The following WDR81 variants were observed in gnomAD, a reference collection of about 807,000 sequenced individuals.
The protein encoded by WDR81 is WD repeat-containing protein 81.
WDR81 carries 92 observed loss-of-function variants against 140.8 expected under a neutral mutation model. That is an observed-to-expected ratio of 0.65 (90% CI 0.55 to 0.78). The LOEUF (loss-of-function observed/expected upper bound fraction) is 0.78. Ranked by LOEUF, WDR81 falls within the 30% of genes least tolerant of loss-of-function variation. WDR81 has a pLI of 0.00. For missense variants in WDR81, 2,502 were observed against 2,636.4 expected, an observed-to-expected ratio of 0.95 and a Z score of 1.12; for synonymous variants, 1,183 against 1,156.4, an observed-to-expected ratio of 1.02 and a Z score of -0.47.
In WDR81 at chr17:1,726,675, C is replaced by T. The variant is rs80035274; in HGVS notation, c.1716C>T (p.His572=). Residue 572 remains histidine (H), a synonymous_variant, in exon 1 of 10, where the codon CAC becomes CAT. Coordinates refer to ENST00000409644, the MANE Select transcript of WDR81 (RefSeq NM_001163809.2). ...KNVCLHLVDA[H]THLASYGVVQ... is the part of the protein sequence containing the mutation. ...TGTGTCTGCACCTGGTGGACGCCCA[C>T]ACTCACCTGGCCAGCTACGGGGTGG... 0.19 allele frequency: 294,055 copies of T among 1,549,882 alleles called. 29,081 individuals carry two copies. The highest frequency in any genetic ancestry group is 0.21 in the Non-Finnish European group (238,212 of 1,146,922).
chr17:1,732,918 A>G, intron 6 of WDR81, 87 bp downstream of exon 6: 1 of 1,499,590 alleles, frequency 6.7e-7, no homozygotes, highest in Middle Eastern at 1.8e-4. Flanking sequence ...CCCCAGAGTC[A>G]GCAGTGGGTT....
chr17:1,725,585 CTCGGGGCAG>C lies in WDR81; in HGVS notation c.627_635del (p.Arg210_Ser212del). 2 of 1,545,226 alleles carry C rather than the reference CTCGGGGCAG, an allele frequency of 1.3e-6. No individual in the cohort carries two copies. The highest frequency in any genetic ancestry group is 1.7e-6 in the Non-Finnish European group (2 of 1,146,948). ...TATGCCAGAGAAGGCCCCTGCCCCC[CTCGGGGCAG>C]CCCTGCTTGCCCTAGTCTTTTACGG... On this transcript the variant is annotated inframe_deletion, in exon 1 of 10. Coordinates refer to ENST00000409644, the MANE Select transcript of WDR81 (RefSeq NM_001163809.2).
chr17:1,726,073 C>G lies in WDR81; in HGVS notation c.1114C>G (p.Arg372Gly). 2 of 1,547,712 alleles carry G rather than the reference C, an allele frequency of 1.3e-6. No homozygotes were observed. The highest frequency in any genetic ancestry group is 1.7e-6 in the Non-Finnish European group (2 of 1,145,044). The change falls in exon 1 of 10, where the codon CGG (arginine) becomes GGG (glycine). Residue 372 changes from arginine (R) to glycine (G), a missense_variant. By Grantham distance (125) the Arg-to-Gly change is moderately radical. Coordinates refer to ENST00000409644, the MANE Select transcript of WDR81 (RefSeq NM_001163809.2). Reference sequence around the variant, plus strand: ...CATGCAGCTGAATCGGTTGGCAGGTCGGCGGCAGGGGGACCCCAACTACCA... The same window carrying G: ...CATGCAGCTGAATCGGTTGGCAGGTGGGCGGCAGGGGGACCCCAACTACCA... ...YLMQLNRLAG[R>G]RQGDPNYHPV...
Position 1,730,372 on chromosome 17 carries a change from C to G in WDR81, c.3668-8C>G. The G allele has an allele frequency of 6.2e-7, 1 of 1,608,302 alleles. No individual in the cohort carries two copies. Among genetic ancestry groups the G allele is most frequent in the Non-Finnish European group, 8.5e-7 (1 of 1,177,466 alleles). On this transcript the variant is annotated splice_region_variant and splice_polypyrimidine_tract_variant and intron_variant, in intron 1 of 9. Transcript: ENST00000409644. ...CTGAGGAGCTCAGGGCCTGCTCCCA[C>G]CCCGCAGATACAGCCTGCAAGATGG...
In WDR81 at chr17:1,728,327, G is replaced by C. The variant is rs540866497; in HGVS notation, c.3368G>C (p.Arg1123Pro). The C allele has an allele frequency of 2.5e-6, 4 of 1,612,888 alleles. No homozygotes were observed. The highest frequency in any genetic ancestry group is 2.2e-5 in the South Asian group (2 of 91,088). ...STSETSLGEE[R>P]APDEGGAPVD... ...AGCGAGACCTCCCTGGGTGAGGAGC[G>C]GGCTCCAGACGAGGGGGGTGCCCCC... The change falls in exon 1 of 10, where the codon CGG becomes CCG. Residue 1123 changes from arginine to proline, a missense_variant. This residue lies in a region of WDR81 where 1,737 missense variants were observed against 1,843.0 expected (regional missense o/e 0.94). Transcript: ENST00000409644.
chr17:1,732,337 G>A lies in WDR81; in HGVS notation c.4170G>A (p.Gly1390=). 6.2e-7 allele frequency: 1 copy of A among 1,613,180 alleles called. No homozygotes were observed. ...LTSLVTGFPS[G]AQARTILCVK... ...GCTCTGTTTCCAGGTTCCCAAGTGG[G>A]GCCCAGGCTCGGACCATCCTGTGTG... is the stretch of plus-strand genomic sequence containing the variant. The change falls in exon 5 of 10, where the codon GGG becomes GGA. Residue 1390 remains glycine (G), a synonymous_variant. Transcript: ENST00000409644.
At chr17:1,730,052 C>T (rs1248924159) in intron 1 of WDR81, among the ~76,000 whole-genome samples, 2 of 151,290 alleles carry the variant, frequency 1.3e-5, no homozygotes, top group South Asian at 2.1e-4. Context: ...ATGGCGAGAC[C>T]GAGGGAGTGG....
Position 1,726,962 on chromosome 17 carries a change from C to T in WDR81, c.2003C>T (p.Ser668Phe), listed in dbSNP as rs377758231. Residue 668 changes from serine to phenylalanine, a missense_variant, in exon 1 of 10, where the codon TCC (serine) becomes TTC (phenylalanine). This residue lies in a region of WDR81 where 1,737 missense variants were observed against 1,843.0 expected (regional missense o/e 0.94). Transcript: ENST00000409644. The stretch of plus-strand genomic sequence containing the variant: ...GAACAGGCCACAGAAGCTCTGGATT[C>T]CATTTCCCTTGCTGGGAAAGCAGGT... Reference protein sequence around the residue: ...DLEQATEALDSISLAGKAGDQ... With the variant: ...DLEQATEALDFISLAGKAGDQ... The T allele has an allele frequency of 6.4e-7, 1 of 1,550,474 alleles. No individual in the cohort carries two copies. The highest frequency in any genetic ancestry group is 8.7e-7 in the Non-Finnish European group (1 of 1,146,986).
At chr17:1,720,541 C>T (rs531738562), upstream of WDR81, among the ~76,000 whole-genome samples, 199 of 152,192 alleles carry the variant, frequency 1.3e-3, no homozygotes, top group Non-Finnish European at 2.4e-3. Context: ...CTTTGGGAGG[C>T]GGAGGCGGGC....
Position 1,725,111 on chromosome 17 carries a change from G to T in WDR81, c.152G>T (p.Gly51Val). 6.6e-7 allele frequency: 1 copy of T among 1,513,762 alleles called. No individual in the cohort carries two copies. Among genetic ancestry groups the T allele is most frequent in the Non-Finnish European group, 8.8e-7 (1 of 1,132,290 alleles). 93.8% of individuals were successfully genotyped at this position (1,513,762 alleles called of 1,614,324 possible). Residue 51 changes from glycine (G) to valine (V), a missense_variant, in exon 1 of 10, where the codon GGC (glycine) becomes GTC (valine). Gly to Val is a moderately radical substitution (Grantham distance 109). This residue lies in a region of WDR81 where 547 missense variants were observed against 513.8 expected (regional missense o/e 1.06). Transcript: ENST00000409644. ...AGGCAGCTGGCTCCGGCCCCGGGGG[G>T]CACCCACGTGGTGGCCCTAGTGCCT... ...DPRQLAPAPGGTHVVALVPAR... is the reference protein window; with the variant it reads ...DPRQLAPAPGVTHVVALVPAR...
chr17:1,724,272 G>A (rs1915057496), upstream of WDR81, among the ~76,000 whole-genome samples: 2 of 152,240 alleles, frequency 1.3e-5, no homozygotes, highest in South Asian at 2.1e-4. Context: ...GCCGAGGCAA[G>A]AGAATCGCTT....
chr17:1,736,259 GC>G, intron 9 of WDR81, 41 bp downstream of exon 9: 1 of 1,571,696 alleles, frequency 6.4e-7, no homozygotes, highest in Non-Finnish European at 8.6e-7. Context: ...CCCAACCCCC[GC>G]CCCTGTCCAG....
In WDR81 at chr17:1,725,914, G is replaced by T. The variant is rs1567718379; in HGVS notation, c.955G>T (p.Val319Leu). 2 of 1,550,718 alleles carry T rather than the reference G, an allele frequency of 1.3e-6. No homozygotes were observed. Among genetic ancestry groups the T allele is most frequent in the Non-Finnish European group, 1.7e-6 (2 of 1,146,974 alleles). ...GGAGGACGAGAATGAGGAGGCCCCT[G>T]TGGCAAGGGATGAGGCGGGCATTGT... Reference protein sequence around the residue: ...PEEDENEEAPVARDEAGIVSQ... With the variant: ...PEEDENEEAPLARDEAGIVSQ... The change falls in exon 1 of 10, where the codon GTG (valine) becomes TTG (leucine). Residue 319 changes from valine (V) to leucine (L), a missense_variant. Val to Leu is a conservative substitution (Grantham distance 32, BLOSUM62 1). Transcript: ENST00000409644.
At position 1,732,718 on chromosome 17, in the gene WDR81, TC is replaced by T; in HGVS notation, c.4377del (p.Phe1460SerfsTer143). The T allele has an allele frequency of 6.2e-7, 1 of 1,612,752 alleles. No individual in the cohort carries two copies. The highest frequency in any genetic ancestry group is 8.5e-7 in the Non-Finnish European group (1 of 1,179,886). ...GRGEGQLPQV[V>X]FSDGQQRPVD... ...GGTGAGGGCCAGCTGCCACAGGTGGTCTTCTCTGATGGGCAGCAGCGGCCCG... is the reference window on the plus strand; with the variant it reads ...GGTGAGGGCCAGCTGCCACAGGTGGTTTCTCTGATGGGCAGCAGCGGCCCG... On this transcript the variant is annotated frameshift_variant, in exon 6 of 10. Transcript: ENST00000409644. LOFTEE classifies it high-confidence loss of function.
chr17:1,719,764 A>G (rs1914768259), upstream of WDR81, among the ~76,000 whole-genome samples: 1 of 151,662 alleles, frequency 6.6e-6, no homozygotes, highest in Non-Finnish European at 1.5e-5. Context: ...GCACTTTGGG[A>G]GGCTGAGGCA....
rs150518026 is a variant in WDR81, at chr17:1,731,202, G to A, written c.4101G>A (p.Arg1367=). 2.0e-4 allele frequency: 324 copies of A among 1,613,558 alleles called. 5 individuals are homozygous for A. The East Asian group carries it at 5.0e-3, about 25-fold the overall frequency. ...SDTTLMDILP[R]ISHEVLLPVL... ...CCACACTCATGGACATCCTGCCCCG[G>A]ATCAGCCATGAGGTCCTGCTGCCCG... The change falls in exon 4 of 10, where the codon CGG becomes CGA. Residue 1367 remains arginine, a synonymous_variant. Coordinates refer to ENST00000409644, the MANE Select transcript of WDR81 (RefSeq NM_001163809.2).
At chr17:1,724,462 G>A (rs1234776871), upstream of WDR81, 1 of 984,952 alleles carries the variant, frequency 1.0e-6, no homozygotes, top group East Asian at 1.1e-4. Context: ...CGGGACCCGC[G>A]CGCTGGTGCG....
At chr17:1,732,897 C>T (rs1362130201) in intron 6 of WDR81, 66 bp downstream of exon 6, 8 of 1,531,504 alleles carry the variant, frequency 5.2e-6, no homozygotes, top group African/African-American at 2.7e-5. Context: ...AGGCCCCATT[C>T]TCTGCCCTTG....
chr17:1,730,317 G>A, intron 1 of WDR81, 63 bp from the exon 2 acceptor site: 1 of 1,367,154 alleles, frequency 7.3e-7, no homozygotes, highest in South Asian at 1.3e-5. Flanking sequence ...GCCGTGGGGT[G>A]GGGTGGGAGG....
Sources: gnomAD v4.1 joint callset for allele counts (sites outside exome capture counted in the v4.1 genomes callset) on GRCh38, gnomAD v4.1.1 for gene constraint, gnomAD v4.1.1 regional missense constraint, MANE v1.5 for transcripts, NCBI Gene and HGNC (gene_info 2026-07-23, HGNC 2026-07-21) for gene names.